The following GRID2 variants were observed in gnomAD, a reference collection of about 807,000 sequenced individuals.
GRID2 encodes glutamate ionotropic receptor delta type subunit 2, also known as glutamate receptor ionotropic, delta-2.
In GRID2, 33 loss-of-function variants were observed where a neutral mutation model predicts 114.8. The observed-to-expected ratio is 0.29, with a 90% CI of 0.22 to 0.38. The LOEUF is 0.38. Among genes scored for constraint, GRID2 ranks in the 10% least tolerant of loss-of-function variants. The pLI is 1.00. For missense variants in GRID2, 1,184 were observed against 1,257.7 expected (o/e 0.94, Z 0.89); for synonymous variants, 505 against 449.9 (o/e 1.12, Z -1.55).
intron 4 of GRID2, among the ~76,000 whole-genome samples, chr4:93,128,338 G>T (rs983778238): frequency 1.3e-5 from 2 of 152,044 alleles, no homozygotes; most frequent in Admixed American, 6.6e-5. Flanking sequence ...TAGTGTATGT[G>T]CTTATACTAG....
chr4:92,809,375 G>T (rs1740559866), intron 2 of GRID2, among the ~76,000 whole-genome samples: 1 of 151,878 alleles, frequency 6.6e-6, no homozygotes, highest in African/African-American at 2.4e-5. Context: ...ATGGAATGTG[G>T]AATAAATATT....
At chr4:92,656,592 A>G (rs1732249423) in intron 2 of GRID2, among the ~76,000 whole-genome samples, 1 of 151,810 alleles carries the variant, frequency 6.6e-6, no homozygotes, top group South Asian at 2.1e-4. Context: ...ATGTACTAAA[A>G]CTTTAAAATC....
intron 6 of GRID2, among the ~76,000 whole-genome samples, chr4:93,222,270 G>T (rs1200174848): frequency 6.6e-6 from 1 of 151,992 alleles, no homozygotes; most frequent in African/African-American, 2.4e-5. Flanking sequence ...AAAGACGTAT[G>T]CACTGTGTGT....
Position 93,144,912 on chromosome 4 carries a change from G to C in GRID2, c.735+33959G>C, listed in dbSNP as rs182061149. Among the ~76,000 whole-genome samples, 16 of 152,292 alleles carry C rather than the reference G, an allele frequency of 1.1e-4. No homozygotes were observed. The East Asian group carries it at 2.9e-3, about 28-fold the overall frequency. ...GGCAAAGACAAAGTATCAGGGAACA[G>C]TGGGATCTTTGTGGATGAGCCTTAA... is the stretch of plus-strand genomic sequence containing the variant. On this transcript the variant is annotated intron_variant, in intron 4 of 15. Transcript: ENST00000282020.
chr4:93,421,815 C>T (rs893822985), intron 9 of GRID2, among the ~76,000 whole-genome samples: 1 of 148,382 alleles, frequency 6.7e-6, no homozygotes, highest in African/African-American at 2.5e-5. Context: ...ATTATGAAGG[C>T]TATTTTGTGA....
chr4:92,473,360 G>T (rs553163542), intron 1 of GRID2, among the ~76,000 whole-genome samples: 1 of 151,926 alleles, frequency 6.6e-6, no homozygotes, highest in Non-Finnish European at 1.5e-5. Context: ...CACATCGGTC[G>T]TCTTATAATA....
At chr4:93,282,424 GTTC>G (rs771901219) in intron 8 of GRID2, 1 of 438,826 alleles carries the variant, frequency 2.3e-6, no homozygotes. Flanking sequence ...ATCTGGTGAG[GTTC>G]TTCTTGCTGC....
chr4:93,128,963 G>A (rs963209595), intron 4 of GRID2, among the ~76,000 whole-genome samples: 2 of 152,166 alleles, frequency 1.3e-5, no homozygotes. Flanking sequence ...TATTCTACCA[G>A]TGTTGGTTTG....
intron 7 of GRID2, among the ~76,000 whole-genome samples, chr4:93,230,305 G>A (rs2149499542): frequency 6.6e-6 from 1 of 151,946 alleles, no homozygotes; most frequent in African/African-American, 2.4e-5. Flanking sequence ...TGGTTCTCTT[G>A]TATTTTTCAA....
At chr4:92,382,145 T>G (rs192357695) in intron 1 of GRID2, among the ~76,000 whole-genome samples, 1 of 151,926 alleles carries the variant, frequency 6.6e-6, no homozygotes, top group African/African-American at 2.4e-5. Context: ...GATTTGAAAT[T>G]TAGTAAAATT....
intron 2 of GRID2, among the ~76,000 whole-genome samples, chr4:92,642,264 A>C (rs1484532138): frequency 1.3e-5 from 2 of 151,802 alleles, no homozygotes; most frequent in Non-Finnish European, 2.9e-5. Context: ...TCCCACCAAA[A>C]GTATGTAAGC....
chr4:92,772,299 C>T (rs182309060), intron 2 of GRID2, among the ~76,000 whole-genome samples: 166 of 152,234 alleles, frequency 1.1e-3, no homozygotes, highest in Non-Finnish European at 1.4e-3. Flanking sequence ...AGACTAACTA[C>T]ATATCTCAAT....
intron 1 of GRID2, among the ~76,000 whole-genome samples, chr4:92,321,099 C>T (rs1726290093): frequency 2.0e-5 from 3 of 152,052 alleles, no homozygotes; most frequent in Admixed American, 2.0e-4. Context: ...ATTTTGTGTT[C>T]TTTAGTTACA....
intron 14 of GRID2, among the ~76,000 whole-genome samples, chr4:93,649,466 G>T (rs529454210): frequency 6.6e-6 from 1 of 151,950 alleles, no homozygotes; most frequent in Non-Finnish European, 1.5e-5. Flanking sequence ...AGCTTGTTTG[G>T]TTTTCATGGA....
At chr4:92,830,171 T>A (rs1043611946) in intron 2 of GRID2, among the ~76,000 whole-genome samples, 1 of 151,586 alleles carries the variant, frequency 6.6e-6, no homozygotes, top group Non-Finnish European at 1.5e-5. Context: ...CACTCCCATA[T>A]TTTCTAATAT....
At chr4:92,967,553 C>T (rs1304502999) in intron 2 of GRID2, among the ~76,000 whole-genome samples, 1 of 151,656 alleles carries the variant, frequency 6.6e-6, no homozygotes, top group Non-Finnish European at 1.5e-5. Flanking sequence ...TAGGAAATTG[C>T]TGGAAAGCAA....
intron 8 of GRID2, among the ~76,000 whole-genome samples, chr4:93,276,961 T>C (rs1414637884): frequency 6.6e-6 from 1 of 151,870 alleles, no homozygotes; most frequent in Non-Finnish European, 1.5e-5. Context: ...AATATTTTAA[T>C]AAGGTACTGT....
At chr4:92,868,250 G>T (rs1159122176) in intron 2 of GRID2, among the ~76,000 whole-genome samples, 1 of 151,892 alleles carries the variant, frequency 6.6e-6, no homozygotes, top group South Asian at 2.1e-4. Context: ...CTACAACAGG[G>T]TTGGTTTTGA....
intron 2 of GRID2, among the ~76,000 whole-genome samples, chr4:93,005,847 C>G (rs1721461455): frequency 6.6e-6 from 1 of 152,018 alleles, no homozygotes; most frequent in South Asian, 2.1e-4. Context: ...ATGGTTAAAT[C>G]CATAGATACA....
Sources: gnomAD v4.1 joint callset for allele counts (sites outside exome capture counted in the v4.1 genomes callset) on GRCh38, gnomAD v4.1.1 for gene constraint, MANE v1.5 for transcripts, NCBI Gene and HGNC (gene_info 2026-07-23, HGNC 2026-07-21) for gene names.